The following DEAF1 variants were observed in gnomAD, a reference collection of about 807,000 sequenced individuals.
DEAF1 encodes the protein deformed epidermal autoregulatory factor 1 homolog.
In DEAF1, 53 loss-of-function variants were observed where a neutral mutation model predicts 58.9. The observed-to-expected ratio is 0.90, with a 90% confidence interval of 0.72 to 1.13. DEAF1 has a LOEUF of 1.13. DEAF1 is among the 50% of genes most tolerant of loss of function. The pLI, the probability that DEAF1 is intolerant of heterozygous loss-of-function variation, is 0.00. For synonymous variants in DEAF1, 385 were observed against 340.4 expected, an observed-to-expected ratio of 1.13 and a Z score of -1.44; for missense variants, 685 against 791.4, an observed-to-expected ratio of 0.87 and a Z score of 1.61.
At chr11:700,809 AT>A (rs1861421324) in intron 1 of DEAF1, 11 of 1,116,426 alleles carry the variant, frequency 9.9e-6, no homozygotes, top group Non-Finnish European at 1.5e-5. Context: ...TCTCAGAGAC[AT>A]TTTTTATCCA....
chr11:664,459 C>T (rs1370622630), intron 10 of DEAF1, among the ~76,000 whole-genome samples: 2 of 144,852 alleles, frequency 1.4e-5, no homozygotes, highest in Non-Finnish European at 3.0e-5. Context: ...CACTCGGTCA[C>T]TCTGAGTCCT....
chr11:662,544 G>GC (rs1227515657), intron 10 of DEAF1, among the ~76,000 whole-genome samples: 2 of 151,938 alleles, frequency 1.3e-5, no homozygotes, highest in Non-Finnish European at 2.9e-5. Flanking sequence ...CAGCCCAGGC[G>GC]CCCCCCAGGC....
chr11:668,895 G>A (rs932686783), intron 10 of DEAF1, among the ~76,000 whole-genome samples: 1 of 152,030 alleles, frequency 6.6e-6, no homozygotes, highest in African/African-American at 2.4e-5. Flanking sequence ...GTGCAATCTC[G>A]GCTCACTGCA....
chr11:655,361 T>C (rs138044563), intron 10 of DEAF1, among the ~76,000 whole-genome samples: 1 of 152,348 alleles, frequency 6.6e-6, no homozygotes, highest in East Asian at 1.9e-4. Flanking sequence ...ATTGGAGCTT[T>C]TCTTTTTAAT....
At chr11:671,493 A>T (rs1046232108) in intron 10 of DEAF1, among the ~76,000 whole-genome samples, 1 of 151,952 alleles carries the variant, frequency 6.6e-6, no homozygotes, top group African/African-American at 2.4e-5. Flanking sequence ...AAGCACTGAG[A>T]TTACAAGTGT....
At chr11:673,926 G>A (rs1021455686) in intron 10 of DEAF1, 1 of 163,764 alleles carries the variant, frequency 6.1e-6, no homozygotes, top group African/African-American at 2.4e-5. Flanking sequence ...TAAGTAAAGG[G>A]TTCATATGAA....
At chr11:670,067 C>T (rs1174110500) in intron 10 of DEAF1, among the ~76,000 whole-genome samples, 1 of 130,178 alleles carries the variant, frequency 7.7e-6, no homozygotes, top group African/African-American at 3.2e-5. Context: ...GAGATGCTGC[C>T]TCAAAAGAGA....
chr11:680,932 G>C, intron 7 of DEAF1, 31 bp downstream of exon 7: 1 of 1,614,102 alleles, frequency 6.2e-7, no homozygotes, highest in South Asian at 1.1e-5. Flanking sequence ...GGTCCCCTCA[G>C]TAAACTAGAG....
chr11:705,931 T>A (rs1289064774), intron 1 of DEAF1, among the ~76,000 whole-genome samples: 1 of 152,144 alleles, frequency 6.6e-6, no homozygotes. Flanking sequence ...GCGCCCCGCC[T>A]GTCCCCAGCG....
At chr11:705,811 G>T (rs775303322) in intron 1 of DEAF1, among the ~76,000 whole-genome samples, 4 of 152,176 alleles carry the variant, frequency 2.6e-5, no homozygotes, top group African/African-American at 9.6e-5. Context: ...CGCTGCCCCC[G>T]AAGTCCCATT....
Position 702,731 on chromosome 11 carries a change from C to T in DEAF1, c.-438+3841G>A, listed in dbSNP as rs538255560. Among the ~76,000 whole-genome samples, 52 of 152,368 alleles carry T rather than the reference C, an allele frequency of 3.4e-4. 1 individual carries two copies. Among genetic ancestry groups the T allele is most frequent in the African/African-American group, 1.3e-3 (52 of 41,596 alleles). On this transcript the variant is annotated intron_variant, in intron 1 of 11. Coordinates refer to the DEAF1 transcript ENST00000683307. Reference sequence around the variant, plus strand: ...AAACCATGCTGTTGCAGGGGCACCTCCCCCAGGAGGGGCTCACGCCTGTGT... The same window carrying T: ...AAACCATGCTGTTGCAGGGGCACCTTCCCCAGGAGGGGCTCACGCCTGTGT...
At chr11:703,178 G>T (rs1242778506) in intron 1 of DEAF1, 1 of 1,580,308 alleles carries the variant, frequency 6.3e-7, no homozygotes, top group Non-Finnish European at 8.6e-7. Flanking sequence ...ACCCCACACT[G>T]GGGCCCTCCT....
chr11:679,893 G>A (rs553226243), intron 7 of DEAF1, 77 bp from the exon 8 acceptor site: 9 of 1,589,598 alleles, frequency 5.7e-6, no homozygotes, highest in African/African-American at 4.0e-5. Context: ...ACCCACGGGC[G>A]CCAATCCTTG....
rs562523942 is a variant in DEAF1 at position 688,944 on chromosome 11, G to A, written c.388-484C>T. Among the ~76,000 whole-genome samples the A allele has an allele frequency of 1.2e-4, 19 of 152,170 alleles. No individual in the cohort carries two copies. The South Asian group carries it at 3.9e-3, about 32-fold the overall frequency. ...CAACTGCTGCCTGCTTCCAAAATCA[G>A]CCTTCAGGCGGCACAGACCCCGCCA... On this transcript the variant is annotated intron_variant, in intron 2 of 11. Transcript: ENST00000382409. The surrounding 1 kb of genome is among the most constrained non-coding windows in gnomAD (Gnocchi z 4.3).
chr11:649,259 A>G (rs1194756080), intron 11 of DEAF1, among the ~76,000 whole-genome samples: 1 of 151,330 alleles, frequency 6.6e-6, no homozygotes, highest in African/African-American at 2.4e-5. Context: ...ACACACACAC[A>G]CAACAACAAC....
At chr11:702,405 G>A (rs1301296586) in intron 1 of DEAF1, among the ~76,000 whole-genome samples, 3 of 152,222 alleles carry the variant, frequency 2.0e-5, no homozygotes, top group African/African-American at 7.2e-5. Context: ...GCCCTGCTGG[G>A]GGCTGCTAGG....
chr11:655,056 C>T (rs1858978631), intron 10 of DEAF1, among the ~76,000 whole-genome samples: 1 of 150,854 alleles, frequency 6.6e-6, no homozygotes, highest in African/African-American at 2.5e-5. Flanking sequence ...CCAAAACAAA[C>T]AAACAAACAA....
At position 686,918 on chromosome 11, in the gene DEAF1, G is replaced by A. The variant is rs1860617772; in HGVS notation, c.744C>T (p.Ser248=). 6.2e-7 allele frequency: 1 copy of A among 1,614,228 alleles called. No individual in the cohort carries two copies. Among genetic ancestry groups the A allele is most frequent in the Admixed American group, 1.7e-5 (1 of 60,028 alleles). Residue 248 remains serine (S), a synonymous_variant, in exon 5 of 12, where the codon AGC becomes AGT. Coordinates refer to ENST00000382409, the MANE Select transcript of DEAF1 (RefSeq NM_021008.4). ...TEFEAMAGRA[S]SKDWKRSIRY... is the part of the protein sequence containing the mutation. The stretch of plus-strand genomic sequence containing the variant: ...GAATGCTTCTTTTCCAGTCCTTACT[G>A]CTGGCTCTTCCTGCCATGGCCTCAA...
chr11:653,083 C>CAA lies in DEAF1; in HGVS notation c.1593+877_1593+878dup, dbSNP rs71022946. On this transcript the variant is annotated intron_variant, in intron 11 of 11. Transcript: ENST00000382409. ...TGGGTGACAGAATGAGACTCTGTCTCAAAAAAAAAAAAAAAAAAAAAAAAA... is the reference window on the plus strand; with the variant it reads ...TGGGTGACAGAATGAGACTCTGTCTCAAAAAAAAAAAAAAAAAAAAAAAAAAA... 3.8e-3 allele frequency among the ~76,000 whole-genome samples: 235 copies of CAA among 62,272 alleles called. 13 individuals carry two copies. Among genetic ancestry groups the CAA allele is most frequent in the Admixed American group, 5.3e-3 (22 of 4,128 alleles). 40.9% of individuals were successfully genotyped at this position (62,272 alleles called of 152,430 possible).
Sources: gnomAD v4.1 joint callset for allele counts (sites outside exome capture counted in the v4.1 genomes callset) on GRCh38, gnomAD v4.1.1 for gene constraint, Gnocchi (gnomAD v3.1) non-coding constraint, MANE v1.5 for transcripts, NCBI Gene and HGNC (gene_info 2026-07-23, HGNC 2026-07-21) for gene names.